The following TEX2 variants were observed in gnomAD, a reference collection of about 807,000 sequenced individuals.
The protein encoded by TEX2 is testis expressed 2, also known as testis-expressed protein 2.
In TEX2, 53 loss-of-function variants were observed where a neutral mutation model predicts 106.9. The observed-to-expected ratio is 0.50, with a 90% confidence interval of 0.40 to 0.62. The LOEUF is 0.62. Ranked by LOEUF, TEX2 falls within the 20% of genes least tolerant of loss-of-function variation. TEX2 has a pLI of 0.00. For synonymous variants in TEX2, 523 were observed against 534.8 expected (o/e 0.98, Z 0.30); for missense variants, 1,207 against 1,379.0 (o/e 0.88, Z 1.98).
At chr17:64,250,713 G>C (rs567659270) in intron 1 of TEX2, among the ~76,000 whole-genome samples, 6 of 151,940 alleles carry the variant, frequency 3.9e-5, no homozygotes, top group African/African-American at 1.5e-4. Flanking sequence ...ACAGGGTCTC[G>C]CTCTGTTGCC....
chr17:64,231,596 T>C (rs971178233), intron 1 of TEX2, among the ~76,000 whole-genome samples: 8 of 152,214 alleles, frequency 5.3e-5, no homozygotes, highest in Non-Finnish European at 8.8e-5. Flanking sequence ...TTAATGCATA[T>C]TAATAGATGT....
chr17:64,181,248 C>T (rs1251026084), intron 5 of TEX2, among the ~76,000 whole-genome samples: 3 of 152,092 alleles, frequency 2.0e-5, no homozygotes, highest in Admixed American at 1.3e-4. Flanking sequence ...GAGGCCAAGG[C>T]GGGCAAATCA....
intron 1 of TEX2, among the ~76,000 whole-genome samples, chr17:64,247,103 C>T (rs557930913): frequency 6.6e-6 from 1 of 151,956 alleles, no homozygotes; most frequent in South Asian, 2.1e-4. Context: ...CATGGTGAAA[C>T]CCCATCTCTA....
rs575651801 is a variant in TEX2, at chr17:64,253,037, G to A, written c.-26+10131C>T. Among the ~76,000 whole-genome samples the A allele has an allele frequency of 4.4e-4, 67 of 152,296 alleles. 1 individual carries two copies. The South Asian group carries it at 0.014, about 32-fold the overall frequency. On this transcript the variant is annotated intron_variant, in intron 1 of 11. Transcript: ENST00000584379. ...GCCCAGGCTGGAGAAGGCAGGAGGG[G>A]CTAGATCACACAGCACCTAAACATG...
At chr17:64,252,354 C>T (rs2034108694) in intron 1 of TEX2, among the ~76,000 whole-genome samples, 1 of 152,116 alleles carries the variant, frequency 6.6e-6, no homozygotes, top group South Asian at 2.1e-4. Flanking sequence ...GAGGTGTCAC[C>T]CAGGCTGGAG....
chr17:64,161,799 G>T (rs1026996500), intron 7 of TEX2, among the ~76,000 whole-genome samples: 18 of 152,070 alleles, frequency 1.2e-4, no homozygotes, highest in African/African-American at 4.3e-4. Flanking sequence ...AGACCTCATG[G>T]ACTTTCTATC....
intron 1 of TEX2, among the ~76,000 whole-genome samples, chr17:64,255,543 T>C (rs1235699237): frequency 6.6e-6 from 1 of 152,274 alleles, no homozygotes; most frequent in Non-Finnish European, 1.5e-5. Flanking sequence ...CATTATATTA[T>C]TCTTCACTTT....
Position 64,249,469 on chromosome 17 carries a change from T to C in TEX2, c.-26+13699A>G, listed in dbSNP as rs782626948. Among the ~76,000 whole-genome samples, 6 of 152,326 alleles carry C rather than the reference T, an allele frequency of 3.9e-5. No homozygotes were observed. In the South Asian group the frequency reaches 6.2e-4, roughly 16 times the overall value. Reference sequence around the variant, plus strand: ...CCATAAGAAAGCTAAGTTTTAGAAATAGTGAAATTTGCAATTTCTGGAAGG... The same window carrying C: ...CCATAAGAAAGCTAAGTTTTAGAAACAGTGAAATTTGCAATTTCTGGAAGG... On this transcript the variant is annotated intron_variant, in intron 1 of 11. Transcript: ENST00000584379.
intron 6 of TEX2, among the ~76,000 whole-genome samples, chr17:64,175,992 T>A (rs2031601782): frequency 6.6e-6 from 1 of 152,112 alleles, no homozygotes; most frequent in Non-Finnish European, 1.5e-5. Flanking sequence ...GAGCTCTAGG[T>A]TGGCTGCTGA....
rs781896193 is a variant in TEX2 at position 64,213,658 on chromosome 17, G to C, written c.560C>G (p.Pro187Arg). Residue 187 changes from proline to arginine, a missense_variant, in exon 2 of 12, where the codon CCC becomes CGC. Physicochemically the swap from Pro to Arg is moderately radical, Grantham distance 103. Around this residue, in one of 3 missense-constraint regions of TEX2, gnomAD observed 1,067 missense variants for 1,193.6 expected, o/e 0.89. Coordinates refer to ENST00000584379, the MANE Select transcript of TEX2 (RefSeq NM_001288732.2). The surrounding 1 kb of genome is among the most constrained non-coding windows in gnomAD (Gnocchi z 4.4). ...CAGGGACTTCACAAGGCTCATGAAG[G>C]GTTTTGCACTGGAAAGGGTGGAGGT... ...ASTSTLSSAK[P>R]FMSLVKSLST... is the part of the protein sequence containing the mutation. The C allele has an allele frequency of 4.3e-6, 7 of 1,614,154 alleles. No individual in the cohort carries two copies. The highest frequency in any genetic ancestry group is 5.9e-6 in the Non-Finnish European group (7 of 1,180,032).
chr17:64,235,462 A>C (rs1480677555), intron 1 of TEX2, among the ~76,000 whole-genome samples: 2 of 152,140 alleles, frequency 1.3e-5, no homozygotes, highest in Non-Finnish European at 2.9e-5. Flanking sequence ...CACCCTATCT[A>C]CCCAGGGGGA....
chr17:64,212,327 T>C (rs2143062344), intron 2 of TEX2, among the ~76,000 whole-genome samples: 1 of 152,346 alleles, frequency 6.6e-6, no homozygotes, highest in South Asian at 2.1e-4. Context: ...CAGGAACTGA[T>C]GTAAACACTA....
At chr17:64,154,544 C>T (rs1022648654) in intron 9 of TEX2, among the ~76,000 whole-genome samples, 11 of 152,172 alleles carry the variant, frequency 7.2e-5, no homozygotes, top group African/African-American at 2.2e-4. Flanking sequence ...GGTGTATGCT[C>T]GGTTCCTTCT....
chr17:64,212,392 G>C (rs915884206), intron 2 of TEX2, among the ~76,000 whole-genome samples, 182 bp downstream of exon 2: 2 of 152,204 alleles, frequency 1.3e-5, no homozygotes, highest in African/African-American at 4.8e-5. Flanking sequence ...TGCAAAGCTT[G>C]GGTTAGAATG....
intron 6 of TEX2, among the ~76,000 whole-genome samples, chr17:64,175,812 T>C (rs11654963): frequency 0.077 from 11,733 of 152,246 alleles, 584 homozygotes; most frequent in Non-Finnish European, 0.11. Context: ...TCCTGCTTTC[T>C]TTTTGCACAC....
chr17:64,193,464 C>CTTGGTTGG, intron 4 of TEX2, 95 bp downstream of exon 4: 1 of 505,468 alleles, frequency 2.0e-6, no homozygotes, highest in Non-Finnish European at 2.8e-6. Flanking sequence ...TCAGGGTGGG[C>CTTGGTTGG]TTCCTTCCTT....
At chr17:64,236,648 A>G (rs568310447) in intron 1 of TEX2, among the ~76,000 whole-genome samples, 40 of 152,260 alleles carry the variant, frequency 2.6e-4, no homozygotes, top group South Asian at 1.0e-3. Context: ...TTTGGTATCT[A>G]TCAGGGATCC....
intron 1 of TEX2, among the ~76,000 whole-genome samples, chr17:64,219,086 A>G (rs2033276545): frequency 6.6e-6 from 1 of 152,188 alleles, no homozygotes; most frequent in African/African-American, 2.4e-5. Flanking sequence ...AAGGTAACCA[A>G]GCAGATGAGG....
At position 64,213,697 on chromosome 17, in the gene TEX2, G is replaced by A. The variant is rs2033095021; in HGVS notation, c.521C>T (p.Ser174Leu). The A allele has an allele frequency of 1.2e-6, 2 of 1,614,192 alleles. No homozygotes were observed. Among genetic ancestry groups the A allele is most frequent in the Non-Finnish European group, 1.7e-6 (2 of 1,180,040 alleles). Reference sequence around the variant, plus strand: ...AAGGGTGGAGGTTGAGGCACTGGATGAGAGGATGGGAGACTTAGAAGGAGA... The same window carrying A: ...AAGGGTGGAGGTTGAGGCACTGGATAAGAGGATGGGAGACTTAGAAGGAGA... ...LSSPSKSPIL[S>L]SSASTSTLSS... Residue 174 changes from serine to leucine, a missense_variant, in exon 2 of 12, where the codon TCA becomes TTA. Transcript: ENST00000584379. This position sits in a 1 kb window ranked among gnomAD's most constrained non-coding sequence, Gnocchi z 4.4.
Sources: allele counts gnomAD v4.1 joint callset (sites outside exome capture counted in the v4.1 genomes callset), GRCh38; gene constraint gnomAD v4.1.1; regional missense constraint gnomAD v4.1.1; non-coding constraint Gnocchi (gnomAD v3.1); transcripts MANE v1.5; gene names NCBI Gene and HGNC (gene_info 2026-07-23, HGNC 2026-07-21).